Variants in CAST observed in about 807,000 individuals in gnomAD.
CAST encodes the protein calpastatin.
In CAST, 76 loss-of-function variants were observed where a neutral mutation model predicts 119.6. The ratio of observed to expected loss-of-function variants is 0.64; its 90% confidence interval spans 0.53 to 0.77. The LOEUF is 0.77. Among genes scored for constraint, CAST ranks in the 30% least tolerant of loss-of-function variants. The probability of loss-of-function intolerance (pLI) is 0.00; values close to 1 mark genes in which losing one functional copy is unlikely to be tolerated. For synonymous variants in CAST, 319 were observed against 331.6 expected (o/e 0.96, Z 0.41); for missense variants, 953 against 946.5 (o/e 1.01, Z -0.09).
At position 96,771,718 on chromosome 5, in the gene CAST, A is replaced by G. The variant is rs753384765; in HGVS notation, c.*23+16A>G. On this transcript the variant is annotated intron_variant, in intron 31 of 31. Transcript: ENST00000675179. ...AAGGTATCTGGTAAGTTGGGTGTTT[A>G]TTTGTAAATGAAGACAACTGTATCT... 2 of 1,539,290 alleles carry G rather than the reference A, an allele frequency of 1.3e-6. No homozygotes were observed. Among genetic ancestry groups the G allele is most frequent in the East Asian group, 4.5e-5 (2 of 44,474 alleles).
chr5:96,067,601 T>A, the CAST span, among the ~76,000 whole-genome samples: 37 of 152,338 alleles, frequency 2.4e-4, no homozygotes, highest in African/African-American at 8.9e-4. Context: ...TGGGCATACC[T>A]GTGCTTAAAA....
the CAST span, among the ~76,000 whole-genome samples, chr5:96,384,969 A>G: frequency 6.6e-6 from 1 of 152,242 alleles, no homozygotes; most frequent in East Asian, 1.9e-4. Flanking sequence ...CACACCACTG[A>G]TAAATATCCC....
the CAST span, among the ~76,000 whole-genome samples, chr5:96,265,372 G>A: frequency 6.6e-6 from 1 of 151,882 alleles, no homozygotes; most frequent in Non-Finnish European, 1.5e-5. Context: ...CCTTCTATAA[G>A]GAATTGGAGA....
the CAST span, among the ~76,000 whole-genome samples, chr5:96,253,937 G>C: frequency 2.0e-5 from 3 of 151,604 alleles, no homozygotes; most frequent in Non-Finnish European, 4.4e-5. Flanking sequence ...TTGTAGGAGA[G>C]GCTAGGGAAT....
the CAST span, among the ~76,000 whole-genome samples, chr5:96,383,963 G>T: frequency 4.4e-4 from 67 of 151,948 alleles, no homozygotes; most frequent in South Asian, 1.9e-3. Context: ...CTTAGATCAG[G>T]GAGATGAGTA....
At chr5:96,702,838 G>A (rs1402327619) in intron 3 of CAST, 2 of 985,330 alleles carry the variant, frequency 2.0e-6, no homozygotes, top group African/African-American at 3.5e-5. Context: ...AGCGGAAACC[G>A]CGGGAGCCGA....
At chr5:96,457,497 C>T in the CAST span, among the ~76,000 whole-genome samples, 1 of 152,116 alleles carries the variant, frequency 6.6e-6, no homozygotes, top group Admixed American at 6.5e-5. Flanking sequence ...GGCTACGTTC[C>T]CTCCTCGTCT....
At chr5:96,392,955 T>C in the CAST span, 1 of 1,603,014 alleles carries the variant, frequency 6.2e-7, no homozygotes, top group Non-Finnish European at 8.5e-7. Context: ...AATCGCAGGG[T>C]AAGGAAGAAG....
At chr5:96,741,170 A>G (rs1762584424) in intron 13 of CAST, 96 bp from the exon 14 acceptor site, 1 of 714,002 alleles carries the variant, frequency 1.4e-6, no homozygotes, top group Non-Finnish European at 2.5e-6. Flanking sequence ...TAGCAAGGGA[A>G]TTGGAAAAGT....
chr5:96,752,179 T>C (rs1364965005), intron 20 of CAST, among the ~76,000 whole-genome samples: 1 of 152,238 alleles, frequency 6.6e-6, no homozygotes. Flanking sequence ...TGAGTTGTAG[T>C]TGTGAATTTG....
the CAST span, among the ~76,000 whole-genome samples, chr5:95,978,187 C>T: frequency 1.2e-4 from 19 of 152,140 alleles, 1 homozygote; most frequent in East Asian, 2.3e-3. Context: ...CTGGGTTGAC[C>T]GGTAGTTCTG....
intron 16 of CAST, among the ~76,000 whole-genome samples, chr5:96,745,231 A>G (rs1398994295): frequency 6.6e-6 from 1 of 152,218 alleles, no homozygotes; most frequent in Admixed American, 6.5e-5. Context: ...AAAGAAAACC[A>G]TGACTTCATC....
intron 1 of CAST, among the ~76,000 whole-genome samples, chr5:96,575,787 C>T (rs1476677891): frequency 6.6e-6 from 1 of 152,036 alleles, no homozygotes; most frequent in Non-Finnish European, 1.5e-5. Context: ...GGGCTACAGG[C>T]ACGTGCCTCG....
At chr5:96,552,538 A>G (rs59512871) in intron 1 of CAST, among the ~76,000 whole-genome samples, 25,964 of 152,070 alleles carry the variant, frequency 0.17, 2,515 homozygotes, top group East Asian at 0.28. Context: ...CAAATTCAAA[A>G]GCTAGCAGAA....
At chr5:96,138,734 T>C in the CAST span, among the ~76,000 whole-genome samples, 1 of 151,892 alleles carries the variant, frequency 6.6e-6, no homozygotes, top group Non-Finnish European at 1.5e-5. Flanking sequence ...TAAATGGTAT[T>C]ATTTTTTAAG....
upstream of CAST, among the ~76,000 whole-genome samples, chr5:96,526,950 A>T (rs988834479): frequency 2.0e-5 from 3 of 152,154 alleles, no homozygotes; most frequent in Admixed American, 2.0e-4. Context: ...TGGGAGTGGC[A>T]GGGGTAGGTA....
chr5:96,084,334 G>A, the CAST span, among the ~76,000 whole-genome samples: 169 of 152,208 alleles, frequency 1.1e-3, no homozygotes, highest in African/African-American at 3.8e-3. Context: ...GGATGAATGT[G>A]GTAAACTGGG....
At chr5:96,613,534 A>AT (rs1470524408) in intron 1 of CAST, among the ~76,000 whole-genome samples, 1 of 152,218 alleles carries the variant, frequency 6.6e-6, no homozygotes, top group African/African-American at 2.4e-5. Flanking sequence ...GTCCAGAAAG[A>AT]TTAAGTAACT....
At chr5:96,665,556 G>C (rs1005552982) in intron 1 of CAST, among the ~76,000 whole-genome samples, 1 of 152,006 alleles carries the variant, frequency 6.6e-6, no homozygotes, top group Middle Eastern at 3.2e-3. Context: ...GGTGATAGGT[G>C]GGTGGTCACA....
Sources: gnomAD v4.1 joint callset for allele counts (sites outside exome capture counted in the v4.1 genomes callset) on GRCh38, gnomAD v4.1.1 for gene constraint, MANE v1.5 for transcripts, NCBI Gene and HGNC (gene_info 2026-07-23, HGNC 2026-07-21) for gene names.